Variants in DOCK2 observed in about 807,000 individuals in gnomAD.
DOCK2 encodes the protein dedicator of cytokinesis 2, also known as dedicator of cytokinesis protein 2.
A neutral mutation model predicts 248.9 loss-of-function variants in DOCK2; 87 were observed. The ratio of observed to expected loss-of-function variants is 0.35; its 90% CI spans 0.29 to 0.42. The LOEUF is 0.42. Among genes scored for constraint, DOCK2 ranks in the 10% least tolerant of loss-of-function variants. The pLI, the probability that DOCK2 is intolerant of heterozygous loss-of-function variation, is 1.00. For synonymous variants in DOCK2, 805 were observed against 821.6 expected (o/e 0.98, Z 0.35); for missense variants, 1,747 against 2,300.2 (o/e 0.76, Z 4.92).
At chr5:170,008,222 CAACAA>C (rs1755136413) in intron 30 of DOCK2, among the ~76,000 whole-genome samples, 1 of 49,160 alleles carries the variant, frequency 2.0e-5, no homozygotes, top group Admixed American at 2.4e-4. Context: ...ACAACAACAA[CAACAA>C]AAAAAAAAAA....
intron 22 of DOCK2, among the ~76,000 whole-genome samples, chr5:169,744,561 C>CA (rs1295440296): frequency 6.8e-6 from 1 of 147,318 alleles, no homozygotes; most frequent in East Asian, 2.0e-4. Context: ...CTAGTCTAGG[C>CA]AAAAAGGAGA....
At chr5:169,695,961 T>C (rs1472452699) in intron 10 of DOCK2, 23 bp downstream of exon 10, 2 of 1,558,090 alleles carry the variant, frequency 1.3e-6, no homozygotes, top group African/African-American at 1.4e-5. Flanking sequence ...CTCTGCATCA[T>C]TGATTTTTAT....
At chr5:169,788,324 C>T (rs900257441) in intron 25 of DOCK2, among the ~76,000 whole-genome samples, 14 of 150,784 alleles carry the variant, frequency 9.3e-5, no homozygotes, top group African/African-American at 2.2e-4. Context: ...GACAAGCACA[C>T]GCTCATGAAA....
chr5:169,936,303 G>T (rs555845189), intron 27 of DOCK2, among the ~76,000 whole-genome samples: 1 of 152,316 alleles, frequency 6.6e-6, no homozygotes, highest in South Asian at 2.1e-4. Context: ...GGGCTAGGCT[G>T]CAGCAAGGGC....
rs754239781 is a variant in DOCK2, at chr5:169,720,376, CT to C, written c.2267+1589del. On this transcript the variant is annotated intron_variant, in intron 22 of 51. Coordinates refer to ENST00000520908, the MANE Select transcript of DOCK2 (RefSeq NM_004946.3). ...AATATGTCTTTTCTACTTCTCAGAC[CT>C]TTTCAGTTCTTCCTTTTGGTGTATT... 7.2e-5 allele frequency among the ~76,000 whole-genome samples: 11 copies of C among 152,274 alleles called. No homozygotes were observed. The South Asian group carries it at 2.1e-3, about 29-fold the overall frequency.
chr5:169,875,349 C>A, intron 27 of DOCK2: 1 of 456,488 alleles, frequency 2.2e-6, no homozygotes, highest in Non-Finnish European at 4.4e-6. Flanking sequence ...AGATGGTCCA[C>A]GACCACGCTT....
intron 25 of DOCK2, among the ~76,000 whole-genome samples, chr5:169,770,154 G>A (rs565255906): frequency 6.6e-6 from 1 of 152,212 alleles, no homozygotes; most frequent in South Asian, 2.1e-4. Context: ...TTATTTAAAT[G>A]TTCTATTCAT....
At chr5:170,076,660 GT>G (rs1164018128) in intron 47 of DOCK2, among the ~76,000 whole-genome samples, 2 of 152,176 alleles carry the variant, frequency 1.3e-5, no homozygotes, top group Admixed American at 1.3e-4. Context: ...GTTATAAAAT[GT>G]CAAGGCCATG....
At chr5:169,995,439 A>C (rs929011814) in intron 29 of DOCK2, among the ~76,000 whole-genome samples, 1 of 152,216 alleles carries the variant, frequency 6.6e-6, no homozygotes, top group Non-Finnish European at 1.5e-5. Context: ...TTACAGAAAA[A>C]ACTGAGAAAA....
At chr5:169,907,933 C>A (rs1774381571) in intron 27 of DOCK2, among the ~76,000 whole-genome samples, 1 of 152,218 alleles carries the variant, frequency 6.6e-6, no homozygotes, top group Admixed American at 6.5e-5. Flanking sequence ...ATCTCTTGTG[C>A]AGGCACTTCT....
At chr5:169,882,794 C>T in intron 27 of DOCK2, 1 of 1,551,672 alleles carries the variant, frequency 6.4e-7, no homozygotes, top group Non-Finnish European at 8.7e-7. Flanking sequence ...TTTGGAAACT[C>T]CAGTGTGTCT....
At chr5:169,877,323 C>T (rs924666464) in intron 27 of DOCK2, among the ~76,000 whole-genome samples, 1 of 152,130 alleles carries the variant, frequency 6.6e-6, no homozygotes, top group African/African-American at 2.4e-5. Context: ...TGGAGGATTA[C>T]TTGAGATAAG....
chr5:169,786,343 G>A (rs1765978385), intron 25 of DOCK2, among the ~76,000 whole-genome samples: 1 of 152,156 alleles, frequency 6.6e-6, no homozygotes, highest in East Asian at 1.9e-4. Flanking sequence ...CTTGGGGTGT[G>A]TGCCTTGTAG....
At chr5:169,956,969 T>G (rs1296205477) in intron 27 of DOCK2, among the ~76,000 whole-genome samples, 1 of 152,084 alleles carries the variant, frequency 6.6e-6, no homozygotes, top group Non-Finnish European at 1.5e-5. Flanking sequence ...GTCTCAATCA[T>G]GAACACCAGG....
chr5:169,939,106 G>A (rs1345985943), intron 27 of DOCK2, among the ~76,000 whole-genome samples: 3 of 151,258 alleles, frequency 2.0e-5, no homozygotes, highest in African/African-American at 7.3e-5. Context: ...GGGTTTCACC[G>A]CATTAGCCAG....
chr5:170,022,039 G>A (rs1035743477), intron 33 of DOCK2, among the ~76,000 whole-genome samples: 7 of 152,240 alleles, frequency 4.6e-5, no homozygotes, highest in African/African-American at 1.7e-4. Flanking sequence ...AAATAGCAGA[G>A]CCAAGAGGAA....
At chr5:170,052,460 T>G (rs1756953432) in intron 41 of DOCK2, among the ~76,000 whole-genome samples, 1 of 152,158 alleles carries the variant, frequency 6.6e-6, no homozygotes, top group South Asian at 2.1e-4. Flanking sequence ...AGGAGGCAGG[T>G]GCAAAAGAAA....
intron 25 of DOCK2, among the ~76,000 whole-genome samples, chr5:169,792,137 G>A (rs949342746): frequency 6.6e-6 from 1 of 152,188 alleles, no homozygotes; most frequent in African/African-American, 2.4e-5. Context: ...GGTCAGGGAT[G>A]ATAGCCCTGG....
intron 24 of DOCK2, 101 bp from the exon 25 acceptor site, chr5:169,761,418 G>A: frequency 1.1e-6 from 1 of 915,188 alleles, no homozygotes; most frequent in Non-Finnish European, 1.7e-6. Context: ...AGGACTTGGG[G>A]GTTTCCCAGA....
Sources: allele counts gnomAD v4.1 joint callset (sites outside exome capture counted in the v4.1 genomes callset), GRCh38; gene constraint gnomAD v4.1.1; transcripts MANE v1.5; gene names NCBI Gene and HGNC (gene_info 2026-07-23, HGNC 2026-07-21).